The following PHF14 variants were observed in gnomAD, a reference collection of about 807,000 sequenced individuals.
PHF14 encodes the protein PHD finger protein 14.
Under a neutral mutation model 117.9 loss-of-function variants are expected in PHF14, and 55 were observed. That is an observed-to-expected ratio of 0.47 (90% CI 0.38 to 0.58). The LOEUF is 0.58. Among genes scored for constraint, PHF14 ranks in the 20% least tolerant of loss-of-function variants. PHF14 has a pLI of 0.00. For synonymous variants in PHF14, 409 were observed against 368.6 expected (o/e 1.11, Z -1.26); for missense variants, 978 against 1,122.2 (o/e 0.87, Z 1.84).
At chr7:10,976,640 A>C (rs1562557341) in intron 2 of PHF14, among the ~76,000 whole-genome samples, 1 of 152,092 alleles carries the variant, frequency 6.6e-6, no homozygotes. Context: ...ATCTGATACA[A>C]ACATAAAGTA....
chr7:11,013,648 T>C (rs1255312589), intron 4 of PHF14, 99 bp from the exon 5 acceptor site: 3 of 607,502 alleles, frequency 4.9e-6, no homozygotes, highest in African/African-American at 1.8e-5. Flanking sequence ...GTGTTTCATA[T>C]CTTTTTCCTC....
intron 3 of PHF14, among the ~76,000 whole-genome samples, chr7:10,985,638 G>GTTTTTTTTTTTTTTTTT (rs61250143): frequency 4.4e-5 from 2 of 45,938 alleles, no homozygotes; most frequent in African/African-American, 7.6e-5. Context: ...TTCTCAAACT[G>GTTTTTTTTTTTTTTTTT]TTTTTTTTTT....
At chr7:11,098,963 A>T (rs553434866) in intron 16 of PHF14, among the ~76,000 whole-genome samples, 1 of 152,330 alleles carries the variant, frequency 6.6e-6, no homozygotes, top group South Asian at 2.1e-4. Context: ...GGAAGGAATT[A>T]GAAAATTAAG....
chr7:11,157,949 ATTTTTTGTTGAGAT>A (rs1788915063), intron 17 of PHF14, among the ~76,000 whole-genome samples: 3 of 152,116 alleles, frequency 2.0e-5, no homozygotes, highest in Non-Finnish European at 2.9e-5. Flanking sequence ...GTCTGGTTTT[ATTTTTTGTTGAGAT>A]AACTTTAGAT....
At chr7:11,137,044 AT>A (rs1271052494) in intron 17 of PHF14, among the ~76,000 whole-genome samples, 3 of 152,224 alleles carry the variant, frequency 2.0e-5, no homozygotes, top group Admixed American at 2.0e-4. Context: ...ATTGGTTCTT[AT>A]GGGGGCAAAA....
At chr7:11,055,163 G>A (rs902645062) in intron 14 of PHF14, among the ~76,000 whole-genome samples, 9 of 152,126 alleles carry the variant, frequency 5.9e-5, no homozygotes, top group African/African-American at 2.2e-4. Flanking sequence ...TATTTTCTAT[G>A]TGGAAACTTT....
At chr7:11,151,083 G>A (rs958524017) in intron 17 of PHF14, among the ~76,000 whole-genome samples, 7 of 152,088 alleles carry the variant, frequency 4.6e-5, no homozygotes, top group Non-Finnish European at 7.4e-5. Flanking sequence ...AAAAAAACCT[G>A]TCATAATGCA....
At chr7:11,021,397 C>T (rs889928368) in intron 5 of PHF14, among the ~76,000 whole-genome samples, 1 of 152,006 alleles carries the variant, frequency 6.6e-6, no homozygotes, top group Non-Finnish European at 1.5e-5. Flanking sequence ...TAAAAGGGAC[C>T]ATAGTTGTCT....
intron 13 of PHF14, among the ~76,000 whole-genome samples, chr7:11,044,501 A>G (rs1784604430): frequency 1.3e-5 from 2 of 152,110 alleles, no homozygotes; most frequent in Admixed American, 6.6e-5. Context: ...TCTAGTGATA[A>G]CATTTCCTTT....
At chr7:11,002,917 C>T (rs1175187844) in intron 4 of PHF14, among the ~76,000 whole-genome samples, 2 of 152,054 alleles carry the variant, frequency 1.3e-5, no homozygotes, top group East Asian at 3.9e-4. Context: ...CCACCTCTTG[C>T]TCCAGCTCTT....
chr7:11,040,423 T>C (rs1784463866), intron 11 of PHF14, among the ~76,000 whole-genome samples: 1 of 152,076 alleles, frequency 6.6e-6, no homozygotes, highest in Non-Finnish European at 1.5e-5. Flanking sequence ...AAAGCTGAAA[T>C]AGAAGTTTAA....
intron 5 of PHF14, among the ~76,000 whole-genome samples, chr7:11,022,017 T>C (rs1322040083): frequency 6.6e-6 from 1 of 152,166 alleles, no homozygotes; most frequent in Non-Finnish European, 1.5e-5. Flanking sequence ...AGTGCTAAGA[T>C]CTACTGTTTA....
chr7:11,022,599 A>C (rs1293335290), intron 5 of PHF14, among the ~76,000 whole-genome samples: 1 of 152,164 alleles, frequency 6.6e-6, no homozygotes, highest in African/African-American at 2.4e-5. Flanking sequence ...GCAGTGAGTG[A>C]ATTTTAAGTG....
At chr7:11,152,277 T>G (rs1788723637) in intron 17 of PHF14, among the ~76,000 whole-genome samples, 1 of 152,158 alleles carries the variant, frequency 6.6e-6, no homozygotes, top group African/African-American at 2.4e-5. Context: ...AGGGAATACT[T>G]TTTATAGTCA....
At chr7:10,994,871 A>C (rs1392771880) in intron 4 of PHF14, among the ~76,000 whole-genome samples, 2 of 152,140 alleles carry the variant, frequency 1.3e-5, no homozygotes, top group East Asian at 3.9e-4. Flanking sequence ...TATTGCAAAG[A>C]GCGAAAGAAC....
rs560320367 is a variant in PHF14, at chr7:11,167,027, T to G, written c.2773-2389T>G. Among the ~76,000 whole-genome samples, 57 of 152,310 alleles carry G rather than the reference T, an allele frequency of 3.7e-4. 1 individual carries two copies. The highest frequency in any genetic ancestry group is 1.2e-3 in the African/African-American group (48 of 41,582). Reference sequence around the variant, plus strand: ...TAAAACATATTCAAATTAATGGAAGTTGCAAATTTTTATTTCATTTAACCA... The same window carrying G: ...TAAAACATATTCAAATTAATGGAAGGTGCAAATTTTTATTTCATTTAACCA... On this transcript the variant is annotated intron_variant, in intron 17 of 17. Transcript: ENST00000634607.
chr7:10,988,504 G>C (rs1316837511), intron 3 of PHF14, among the ~76,000 whole-genome samples: 4 of 139,360 alleles, frequency 2.9e-5, no homozygotes, highest in African/African-American at 8.0e-5. Context: ...TTTTCAAACT[G>C]TGATTGTTTG....
chr7:11,133,218 T>C (rs1194551071), intron 17 of PHF14, among the ~76,000 whole-genome samples: 1 of 151,842 alleles, frequency 6.6e-6, no homozygotes, highest in East Asian at 1.9e-4. Flanking sequence ...CAAGTTTATA[T>C]GGAAAGGTAG....
intron 2 of PHF14, among the ~76,000 whole-genome samples, chr7:10,981,792 G>A (rs1315130864): frequency 6.6e-6 from 1 of 152,080 alleles, no homozygotes; most frequent in African/African-American, 2.4e-5. Flanking sequence ...TTTCACCTGT[G>A]TTCTTGGTAT....
Sources: allele counts gnomAD v4.1 joint callset (sites outside exome capture counted in the v4.1 genomes callset), GRCh38; gene constraint gnomAD v4.1.1; transcripts MANE v1.5; gene names NCBI Gene and HGNC (gene_info 2026-07-23, HGNC 2026-07-21).